TEX9: variants seen among roughly 807,000 people sequenced by gnomAD.
TEX9 encodes testis-expressed protein 9.
A neutral mutation model predicts 59.6 loss-of-function variants in TEX9; 74 were observed. The ratio of observed to expected loss-of-function variants is 1.24; its 90% confidence interval spans 1.03 to 1.51. The LOEUF (loss-of-function observed/expected upper bound fraction) is 1.51. Ranked by LOEUF, TEX9 falls within the 40% of genes most tolerant of loss-of-function variation. The probability of loss-of-function intolerance (pLI) is 0.00; values close to 1 mark genes in which losing one functional copy is unlikely to be tolerated. For synonymous variants in TEX9, 186 were observed against 152.2 expected, an observed-to-expected ratio of 1.22 and a Z score of -1.64; for missense variants, 522 against 447.8, an observed-to-expected ratio of 1.17 and a Z score of -1.49.
rs566421752 is a variant in TEX9 at position 56,278,044 on chromosome 15, C to A, written c.-107+33766C>A. The stretch of plus-strand genomic sequence containing the variant: ...AGTCGTTTTTGCTCATCCTTAAAAT[C>A]CTGATGCTCATCTCTTTTATAGATT... On this transcript the variant is annotated intron_variant, in intron 1 of 5. Transcript: ENST00000560827. Among the ~76,000 whole-genome samples, 4 of 151,770 alleles carry A rather than the reference C, an allele frequency of 2.6e-5. No individual in the cohort carries two copies. The East Asian group carries it at 5.9e-4, about 22-fold the overall frequency.
chr15:56,416,211 T>C (rs2049677692), intron 10 of TEX9, among the ~76,000 whole-genome samples: 1 of 151,874 alleles, frequency 6.6e-6, no homozygotes, highest in Non-Finnish European at 1.5e-5. Context: ...CCTCTCTTTA[T>C]TTCTCTTGCC....
intron 12 of TEX9, among the ~76,000 whole-genome samples, chr15:56,440,925 T>A (rs1480248799): frequency 6.6e-6 from 1 of 152,188 alleles, no homozygotes; most frequent in African/African-American, 2.4e-5. Context: ...ACTTTTAGAC[T>A]ATTGTGAATA....
intron 1 of TEX9, among the ~76,000 whole-genome samples, chr15:56,356,164 A>G (rs1351509748): frequency 6.6e-6 from 1 of 152,134 alleles, no homozygotes; most frequent in African/African-American, 2.4e-5. Flanking sequence ...GTTCTTCAGT[A>G]TGATTATAAA....
intron 1 of TEX9, among the ~76,000 whole-genome samples, chr15:56,302,597 G>GAA (rs1230098056): frequency 6.7e-6 from 1 of 149,912 alleles, no homozygotes; most frequent in Non-Finnish European, 1.5e-5. Flanking sequence ...CATACTGCCA[G>GAA]AAAAAAAAAT....
At chr15:56,271,753 A>T (rs892281866) in intron 1 of TEX9, among the ~76,000 whole-genome samples, 2 of 152,206 alleles carry the variant, frequency 1.3e-5, no homozygotes, top group East Asian at 3.8e-4. Flanking sequence ...ATTTAAAGTA[A>T]GTTTCTTGTA....
rs1222779240 is a variant in TEX9 at position 56,311,910 on chromosome 15, T to C, written c.-106-61531T>C. 9.1e-3 allele frequency among the ~76,000 whole-genome samples: 1,352 copies of C among 148,184 alleles called. 20 individuals are homozygous for C. The highest frequency in any genetic ancestry group is 0.031 in the African/African-American group (1,267 of 40,696). ...TGATGGCCAGTGATGATGAGCATTT[T>C]TTCATGTGTTTTTTGGCTGCATAAA... is the stretch of plus-strand genomic sequence containing the variant. On this transcript the variant is annotated intron_variant, in intron 1 of 5. Coordinates refer to the TEX9 transcript ENST00000560827.
At chr15:56,373,916 A>G (rs910106317) in intron 3 of TEX9, among the ~76,000 whole-genome samples, 9 of 152,220 alleles carry the variant, frequency 5.9e-5, no homozygotes, top group Non-Finnish European at 1.3e-4. Flanking sequence ...AAGGAAACCT[A>G]GGCAATATTT....
rs544519606 is a variant in TEX9 at position 56,389,313 on chromosome 15, T to G, written c.313-5T>G. 1.9e-6 allele frequency: 3 copies of G among 1,606,910 alleles called. No homozygotes were observed. Among genetic ancestry groups the G allele is most frequent in the South Asian group, 2.2e-5 (2 of 90,614 alleles). Reference sequence around the variant, plus strand: ...TAGTCAATACTTTCAATTCTTTTCATGTAGCCAAAGACCAAAAACATTGAT... The same window carrying G: ...TAGTCAATACTTTCAATTCTTTTCAGGTAGCCAAAGACCAAAAACATTGAT... On this transcript the variant is annotated splice_polypyrimidine_tract_variant and splice_region_variant and intron_variant, in intron 5 of 12. Transcript: ENST00000352903.
At chr15:56,426,427 C>T (rs809475) in intron 10 of TEX9, among the ~76,000 whole-genome samples, 150,426 of 150,600 alleles carry the variant, frequency 1, 75,127 homozygotes, top group Middle Eastern at 1. Context: ...TGCTGACTGA[C>T]TGATTGGTTT....
At chr15:56,448,897 G>A (rs1350496824), downstream of TEX9, among the ~76,000 whole-genome samples, 2 of 151,892 alleles carry the variant, frequency 1.3e-5, no homozygotes, top group Admixed American at 6.6e-5. Flanking sequence ...GGGACTACAG[G>A]TGTGTGCCAC....
At chr15:56,377,972 A>G (rs1445797838) in intron 3 of TEX9, among the ~76,000 whole-genome samples, 1 of 152,180 alleles carries the variant, frequency 6.6e-6, no homozygotes, top group Non-Finnish European at 1.5e-5. Context: ...ATCAGTTGAA[A>G]TGATCATATG....
At chr15:56,255,522 G>A (rs1322864613) in intron 1 of TEX9, among the ~76,000 whole-genome samples, 1 of 151,808 alleles carries the variant, frequency 6.6e-6, no homozygotes, top group Non-Finnish European at 1.5e-5. Context: ...AAGAAGGTTG[G>A]AAATAAAAAC....
chr15:56,419,685 A>T (rs1192819870), intron 10 of TEX9, among the ~76,000 whole-genome samples: 1 of 151,708 alleles, frequency 6.6e-6, no homozygotes, highest in Non-Finnish European at 1.5e-5. Flanking sequence ...TTTAGTCTGT[A>T]GTCTTGATTT....
At chr15:56,398,512 C>G (rs1237914040) in intron 9 of TEX9, among the ~76,000 whole-genome samples, 2 of 152,068 alleles carry the variant, frequency 1.3e-5, no homozygotes, top group Non-Finnish European at 2.9e-5. Context: ...CGTTATGCAC[C>G]CAAGCTCTGT....
intron 1 of TEX9, among the ~76,000 whole-genome samples, chr15:56,300,071 G>A (rs1418790674): frequency 3.9e-5 from 6 of 152,226 alleles, no homozygotes; most frequent in Admixed American, 1.3e-4. Context: ...GGTTCCCGGG[G>A]TCCCCAGTTC....
At chr15:56,329,704 TAGTG>T (rs1878121235) in intron 1 of TEX9, among the ~76,000 whole-genome samples, 1 of 151,944 alleles carries the variant, frequency 6.6e-6, no homozygotes, top group Admixed American at 6.6e-5. Context: ...AAGAAAGAAT[TAGTG>T]AGCATGAAGC....
intron 1 of TEX9, among the ~76,000 whole-genome samples, chr15:56,250,938 T>C (rs1322100882): frequency 2.6e-5 from 4 of 152,240 alleles, no homozygotes; most frequent in Non-Finnish European, 4.4e-5. Context: ...TTTGAATAGC[T>C]GGGTATGTGT....
At position 56,394,483 on chromosome 15, in the gene TEX9, A is replaced by G. The variant is rs2048360016; in HGVS notation, c.655-178A>G. 1.1e-5 allele frequency: 7 copies of G among 630,556 alleles called. No homozygotes were observed. The Admixed American group carries it at 2.1e-4, about 19-fold the overall frequency. 39.1% of individuals were successfully genotyped at this position (630,556 alleles called of 1,614,324 possible). On this transcript the variant is annotated intron_variant, in intron 8 of 12. Coordinates refer to ENST00000352903, the Ensembl canonical transcript of TEX9. ...ATATTAGTCTTACAAATGTAGTGTA[A>G]GCTATTAAATGCAAATAAAACATTT... is the stretch of plus-strand genomic sequence containing the variant.
intron 1 of TEX9, among the ~76,000 whole-genome samples, chr15:56,336,420 C>T (rs931009903): frequency 6.6e-6 from 1 of 152,052 alleles, no homozygotes; most frequent in East Asian, 1.9e-4. Context: ...TTATATCTCC[C>T]AATATTTCTC....
Sources: allele counts gnomAD v4.1 joint callset (sites outside exome capture counted in the v4.1 genomes callset), GRCh38; gene constraint gnomAD v4.1.1; transcripts MANE v1.5; gene names NCBI Gene and HGNC (gene_info 2026-07-23, HGNC 2026-07-21).